Variants in MVK observed in about 807,000 individuals in gnomAD.
The protein encoded by MVK is LH receptor mRNA-binding protein.
In MVK, 34 loss-of-function variants were observed where a neutral mutation model predicts 43.2. The ratio of observed to expected loss-of-function variants is 0.79; its 90% confidence interval spans 0.60 to 1.05. MVK has a LOEUF of 1.05. Ranked by LOEUF, MVK falls within the 50% of genes least tolerant of loss-of-function variation. The pLI is 0.00. For missense variants in MVK, 395 were observed against 504.0 expected (o/e 0.78, Z 2.07); for synonymous variants, 190 against 219.8 (o/e 0.86, Z 1.20).
At chr12:109,585,759 CA>C (rs3837524) in intron 5 of MVK, among the ~76,000 whole-genome samples, 1 of 148,302 alleles carries the variant, frequency 6.7e-6, no homozygotes, top group South Asian at 2.1e-4. Context: ...GACTCCGTCT[CA>C]AAAAAAAAGA....
intron 3 of MVK, among the ~76,000 whole-genome samples, chr12:109,578,822 C>T (rs1432466652): frequency 6.6e-6 from 1 of 152,232 alleles, no homozygotes; most frequent in African/African-American, 2.4e-5. Context: ...TGAGGCTCAG[C>T]GAGTGATTTG....
At chr12:109,582,312 G>GT (rs60036171) in intron 5 of MVK, among the ~76,000 whole-genome samples, 1 of 47,934 alleles carries the variant, frequency 2.1e-5, no homozygotes. Flanking sequence ...TCTGAGCTTG[G>GT]TTTTTTTGTT....
chr12:109,596,266 G>A (rs560015919), intron 10 of MVK, among the ~76,000 whole-genome samples, 160 bp from the exon 11 acceptor site: 24 of 152,368 alleles, frequency 1.6e-4, no homozygotes, highest in African/African-American at 3.6e-4. Context: ...TCCAGTGCAC[G>A]GAGGGGCTGC....
intron 7 of MVK, chr12:109,587,104 A>C (rs1555278425): frequency 9.7e-6 from 4 of 410,278 alleles, no homozygotes; most frequent in South Asian, 8.9e-5. Flanking sequence ...ACAAGAATCC[A>C]TTACTTCCTG....
intron 9 of MVK, among the ~76,000 whole-genome samples, chr12:109,594,589 C>T (rs1037814433): frequency 2.0e-5 from 3 of 152,174 alleles, no homozygotes; most frequent in African/African-American, 7.2e-5. Flanking sequence ...AACAATGTGT[C>T]GGGAATCTGT....
chr12:109,579,773 TTG>T, intron 3 of MVK, 27 bp from the exon 4 acceptor site: 1 of 1,614,048 alleles, frequency 6.2e-7, no homozygotes, highest in Non-Finnish European at 8.5e-7. Context: ...TCTCACCCAC[TTG>T]TGTTTGCTTG....
rs11834517 is a variant in MVK, at chr12:109,575,822, G to A, written c.79-176G>A. On this transcript the variant is annotated intron_variant, in intron 2 of 10. Transcript: ENST00000228510. ...AGTGGATTTTAACTTTTAGCTGATCGATGGTGGCTGTTCCCAGGCTTAGTG... is the reference window on the plus strand; with the variant it reads ...AGTGGATTTTAACTTTTAGCTGATCAATGGTGGCTGTTCCCAGGCTTAGTG... Among the ~76,000 whole-genome samples the A allele has an allele frequency of 6.1e-3, 925 of 152,288 alleles. 19 individuals carry two copies. Among genetic ancestry groups the A allele is most frequent in the African/African-American group, 0.021 (887 of 41,548 alleles).
chr12:109,581,225 A>G (rs891349293), intron 4 of MVK, among the ~76,000 whole-genome samples, 170 bp from the exon 5 acceptor site: 5 of 152,208 alleles, frequency 3.3e-5, no homozygotes, highest in African/African-American at 9.7e-5. Context: ...TGTCTGATTC[A>G]GCATGAGTTC....
intron 6 of MVK, 88 bp downstream of exon 6, chr12:109,586,213 G>A (rs965572971): frequency 1.0e-5 from 11 of 1,078,990 alleles, no homozygotes; most frequent in African/African-American, 1.6e-5. Flanking sequence ...TGCTGGTTTG[G>A]GAGGAATCGA....
At position 109,595,552 on chromosome 12, in the gene MVK, C is replaced by T. The variant is rs1473729546; in HGVS notation, c.1039+371C>T. ...TTGTACCCTTGATGTGGTCAGGATG[C>T]GGTTGATTTTGCTACAAAACGAAAG... is the stretch of plus-strand genomic sequence containing the variant. On this transcript the variant is annotated intron_variant, in intron 10 of 10. Coordinates refer to ENST00000228510, the MANE Select transcript of MVK (RefSeq NM_000431.4). This position sits in a 1 kb window ranked among gnomAD's most constrained non-coding sequence, Gnocchi z 5.9. Among the ~76,000 whole-genome samples the T allele has an allele frequency of 6.6e-6, 1 of 152,112 alleles. No individual in the cohort carries two copies. Among genetic ancestry groups the T allele is most frequent in the Non-Finnish European group, 1.5e-5 (1 of 68,024 alleles).
intron 2 of MVK, among the ~76,000 whole-genome samples, chr12:109,575,436 TC>T (rs1164419149): frequency 6.6e-6 from 1 of 152,102 alleles, no homozygotes; most frequent in African/African-American, 2.4e-5. Flanking sequence ...TTTTTTTTTT[TC>T]CTGAGACAGT....
At chr12:109,592,809 T>C (rs939091282) in intron 9 of MVK, among the ~76,000 whole-genome samples, 4 of 152,198 alleles carry the variant, frequency 2.6e-5, no homozygotes, top group African/African-American at 9.7e-5. Context: ...CTCCATCGAA[T>C]TCCTGTGTTT....
chr12:109,574,917 G>C lies in MVK; in HGVS notation c.78+17G>C. ...CATGGCAAGGTACAAAGCCGTTAGA[G>C]CCTTTAAGGATTGGGTACCCCTTCT... On this transcript the variant is annotated intron_variant, in intron 2 of 10. Coordinates refer to ENST00000228510, the MANE Select transcript of MVK (RefSeq NM_000431.4). 1 of 1,599,286 alleles carries C rather than the reference G, an allele frequency of 6.3e-7. No homozygotes were observed. The highest frequency in any genetic ancestry group is 8.5e-7 in the Non-Finnish European group (1 of 1,172,162).
At chr12:109,582,615 CCACCCCACCA>C in intron 5 of MVK, among the ~76,000 whole-genome samples, 1 of 150,600 alleles carries the variant, frequency 6.6e-6, no homozygotes, top group East Asian at 2.0e-4. Context: ...CCACCCCACC[CCACCCCACCA>C]CACCCCACCC....
intron 2 of MVK, among the ~76,000 whole-genome samples, chr12:109,575,274 C>A (rs1269199721): frequency 6.6e-6 from 1 of 152,148 alleles, no homozygotes; most frequent in East Asian, 1.9e-4. Flanking sequence ...TTACAGCTAC[C>A]CCCAAGGCAT....
chr12:109,593,257 G>A (rs1051568526), intron 9 of MVK, among the ~76,000 whole-genome samples: 3 of 152,220 alleles, frequency 2.0e-5, no homozygotes, highest in African/African-American at 7.2e-5. Flanking sequence ...AGGCCATCAT[G>A]CCTGTCTGCT....
At chr12:109,582,316 T>G (rs756109546) in intron 5 of MVK, among the ~76,000 whole-genome samples, 4 of 38,014 alleles carry the variant, frequency 1.1e-4, no homozygotes, top group Non-Finnish European at 2.2e-4. Flanking sequence ...AGCTTGGTTT[T>G]TTTGTTTGTT....
chr12:109,591,918 T>C (rs926617606), intron 9 of MVK, among the ~76,000 whole-genome samples: 5 of 152,234 alleles, frequency 3.3e-5, no homozygotes, highest in East Asian at 1.9e-4. Context: ...GCTCCACTTC[T>C]GCTGGACGTG....
intron 9 of MVK, among the ~76,000 whole-genome samples, chr12:109,593,533 G>C (rs1477646052): frequency 7.0e-6 from 1 of 143,018 alleles, no homozygotes; most frequent in African/African-American, 2.5e-5. Flanking sequence ...CCGCCTTCCA[G>C]TGCCAGCTTG....
Sources: gnomAD v4.1 joint callset for allele counts (sites outside exome capture counted in the v4.1 genomes callset) on GRCh38, gnomAD v4.1.1 for gene constraint, Gnocchi (gnomAD v3.1) non-coding constraint, MANE v1.5 for transcripts, NCBI Gene and HGNC (gene_info 2026-07-23, HGNC 2026-07-21) for gene names.